The following EPN2 variants were observed in gnomAD, a reference collection of about 807,000 sequenced individuals.
EPN2 encodes the protein epsin-2.
EPN2 carries 34 observed loss-of-function variants against 61.7 expected under a neutral mutation model. That is an observed-to-expected ratio of 0.55 (90% confidence interval 0.42 to 0.73). The LOEUF is 0.73. EPN2 is among the 30% of genes least tolerant of loss of function. The probability of loss-of-function intolerance (pLI) is 0.00; values close to 1 mark genes in which losing one functional copy is unlikely to be tolerated. For synonymous variants in EPN2, 349 were observed against 353.6 expected (o/e 0.99, Z 0.15); for missense variants, 714 against 839.2 (o/e 0.85, Z 1.84).
chr17:19,298,869 A>C (rs1336703799), intron 4 of EPN2, among the ~76,000 whole-genome samples: 1 of 140,054 alleles, frequency 7.1e-6, no homozygotes, highest in Non-Finnish European at 1.5e-5. Flanking sequence ...GTTAATTCTT[A>C]TGATCAGACT....
intron 4 of EPN2, among the ~76,000 whole-genome samples, 190 bp from the exon 5 acceptor site, chr17:19,309,695 G>A (rs758677170): frequency 3.3e-5 from 5 of 152,194 alleles, no homozygotes; most frequent in Non-Finnish European, 7.3e-5. Context: ...GGAAAGCTAC[G>A]TTTGACTGTC....
At position 19,335,420 on chromosome 17, in the gene EPN2, C is replaced by T; in HGVS notation, c.*1166C>T. On this transcript the variant is annotated 3_prime_UTR_variant, in exon 11 of 11. Coordinates refer to ENST00000314728, the MANE Select transcript of EPN2 (RefSeq NM_014964.5). ...TTTATTAAAGGCATGCAGGGATTAA[C>T]AGGACTTCTGTTTACAATGGAAATC... The T allele has an allele frequency of 1.3e-6, 2 of 1,549,822 alleles. No individual in the cohort carries two copies. The highest frequency in any genetic ancestry group is 1.4e-5 in the African/African-American group (1 of 73,118).
At chr17:19,237,900 C>G (rs915466530) in intron 1 of EPN2, among the ~76,000 whole-genome samples, 1 of 152,188 alleles carries the variant, frequency 6.6e-6, no homozygotes, top group Non-Finnish European at 1.5e-5. Context: ...ACAACCCCGC[C>G]CCCTCCCCAG....
chr17:19,300,843 C>T (rs532106197), intron 4 of EPN2, among the ~76,000 whole-genome samples: 2 of 152,266 alleles, frequency 1.3e-5, no homozygotes, highest in East Asian at 1.9e-4. Context: ...GCTCCCTGTG[C>T]GCCAAGGCCA....
At chr17:19,314,819 C>A (rs1412448487) in intron 7 of EPN2, among the ~76,000 whole-genome samples, 2 of 152,226 alleles carry the variant, frequency 1.3e-5, no homozygotes, top group Non-Finnish European at 2.9e-5. Context: ...TTACTCACCA[C>A]ACATGGGGAC....
At chr17:19,297,720 T>C (rs1567859202) in intron 4 of EPN2, among the ~76,000 whole-genome samples, 1 of 152,168 alleles carries the variant, frequency 6.6e-6, no homozygotes, top group Non-Finnish European at 1.5e-5. Context: ...CTGGGGGGCC[T>C]AAACTAGGAG....
intron 1 of EPN2, among the ~76,000 whole-genome samples, chr17:19,281,034 C>T (rs1802419025): frequency 6.6e-6 from 1 of 152,138 alleles, no homozygotes; most frequent in South Asian, 2.1e-4. Context: ...GATGCATAGG[C>T]CAGGTGTGGG....
At chr17:19,327,884 TG>T (rs1201292802) in intron 7 of EPN2, among the ~76,000 whole-genome samples, 1 of 152,164 alleles carries the variant, frequency 6.6e-6, no homozygotes, top group Non-Finnish European at 1.5e-5. Context: ...GAGGCGGCAG[TG>T]GTGTCTGAAC....
chr17:19,318,548 T>C (rs1431194542), intron 7 of EPN2, among the ~76,000 whole-genome samples: 2 of 1,478 alleles, frequency 1.4e-3, no homozygotes, highest in Non-Finnish European at 7.9e-3. Context: ...AGACTCCATC[T>C]CAAAAAAAAA....
chr17:19,287,214 T>C (rs1938519377), intron 4 of EPN2, among the ~76,000 whole-genome samples: 1 of 151,964 alleles, frequency 6.6e-6, no homozygotes, highest in African/African-American at 2.4e-5. Flanking sequence ...TTCCGTTCTC[T>C]CTGCTTGGAT....
At position 19,289,724 on chromosome 17, in the gene EPN2, G is replaced by GTTTTTTTTTTTTTTTTTTT. The variant is rs58087532; in HGVS notation, c.766+3936_766+3954dup. ...TGTTCGGCCTCACCTGGCGCTCATGGTTTTTTTTTTTTTTTTTTTTGAGAT... is the reference window on the plus strand; with the variant it reads ...TGTTCGGCCTCACCTGGCGCTCATGGTTTTTTTTTTTTTTTTTTTTTTTTTTTTTTTTTTTTTTTGAGAT... On this transcript the variant is annotated intron_variant, in intron 4 of 10. Transcript: ENST00000314728. 3.6e-3 allele frequency among the ~76,000 whole-genome samples: 277 copies of GTTTTTTTTTTTTTTTTTTT among 78,026 alleles called. 46 individuals are homozygous for GTTTTTTTTTTTTTTTTTTT. Among genetic ancestry groups the GTTTTTTTTTTTTTTTTTTT allele is most frequent in the East Asian group, 0.01 (18 of 1,730 alleles). 51.2% of individuals were successfully genotyped at this position (78,026 alleles called of 152,430 possible). A position where few individuals can be genotyped will look rare whatever the true frequency, so the allele number is the denominator to read the frequency against.
chr17:19,261,565 C>G (rs2045142228), intron 1 of EPN2, among the ~76,000 whole-genome samples: 1 of 152,240 alleles, frequency 6.6e-6, no homozygotes, highest in African/African-American at 2.4e-5. Flanking sequence ...CCCCTTCCCT[C>G]TGCCCCATCT....
intron 1 of EPN2, among the ~76,000 whole-genome samples, chr17:19,238,060 C>T (rs1344333524): frequency 1.3e-5 from 2 of 152,210 alleles, no homozygotes; most frequent in African/African-American, 2.4e-5. Context: ...CCCGTCTCAC[C>T]TTTCCTGGGG....
chr17:19,249,675 G>T (rs529993301), intron 1 of EPN2: 2 of 152,366 alleles, frequency 1.3e-5, no homozygotes, highest in Non-Finnish European at 2.9e-5. Flanking sequence ...GCTCACAGAT[G>T]TGTTTTGTTT....
At chr17:19,295,360 A>ACG (rs1202148585) in intron 4 of EPN2, among the ~76,000 whole-genome samples, 170 of 69,406 alleles carry the variant, frequency 2.4e-3, no homozygotes, top group Middle Eastern at 7.1e-3. Context: ...ACACACACAC[A>ACG]CACACACGCG....
At chr17:19,295,615 C>T (rs185606083) in intron 4 of EPN2, among the ~76,000 whole-genome samples, 1 of 152,290 alleles carries the variant, frequency 6.6e-6, no homozygotes, top group East Asian at 1.9e-4. Context: ...TGTGTGGTTT[C>T]TCGATGCTTT....
chr17:19,325,794 T>C (rs1660001880), intron 7 of EPN2, among the ~76,000 whole-genome samples: 1 of 151,238 alleles, frequency 6.6e-6, no homozygotes, highest in South Asian at 2.1e-4. Flanking sequence ...TAGTCATCAT[T>C]TGCAGGTGAT....
intron 7 of EPN2, among the ~76,000 whole-genome samples, chr17:19,319,890 C>A (rs1191858811): frequency 6.6e-6 from 1 of 152,118 alleles, no homozygotes; most frequent in East Asian, 1.9e-4. Context: ...TTGATCCACC[C>A]GCCTCGGCCT....
chr17:19,261,002 C>G (rs1284602619), intron 1 of EPN2, among the ~76,000 whole-genome samples: 2 of 152,154 alleles, frequency 1.3e-5, no homozygotes, highest in African/African-American at 4.8e-5. Context: ...TTTGAATACT[C>G]ACCCCTGAGG....
Sources: gnomAD v4.1 joint callset for allele counts (sites outside exome capture counted in the v4.1 genomes callset) on GRCh38, gnomAD v4.1.1 for gene constraint, MANE v1.5 for transcripts, NCBI Gene and HGNC (gene_info 2026-07-23, HGNC 2026-07-21) for gene names.